The following SCMH1 variants were observed in gnomAD, a reference collection of about 807,000 sequenced individuals.
The protein encoded by SCMH1 is polycomb protein SCMH1.
A neutral mutation model predicts 70.8 loss-of-function variants in SCMH1; 37 were observed. The observed-to-expected ratio is 0.52, with a 90% CI of 0.40 to 0.69. The LOEUF (loss-of-function observed/expected upper bound fraction) is 0.69, where lower values mean the gene tolerates loss of function less well. Among genes scored for constraint, SCMH1 ranks in the 30% least tolerant of loss-of-function variants. The pLI, the probability that SCMH1 is intolerant of heterozygous loss-of-function variation, is 0.00. For missense variants in SCMH1, 607 were observed against 827.3 expected, an observed-to-expected ratio of 0.73 and a Z score of 3.27; for synonymous variants, 292 against 307.4, an observed-to-expected ratio of 0.95 and a Z score of 0.52.
At chr1:41,236,222 A>G (rs1368796224) in intron 1 of SCMH1, among the ~76,000 whole-genome samples, 1 of 152,238 alleles carries the variant, frequency 6.6e-6, no homozygotes, top group Non-Finnish European at 1.5e-5. Context: ...TTTTAAGAAG[A>G]TGAAGAAGTA....
Position 41,239,236 on chromosome 1 carries a change from G to C in SCMH1, c.-118+2823C>G, listed in dbSNP as rs1663006065. On this transcript the variant is annotated intron_variant, in intron 1 of 14. Coordinates refer to ENST00000337495, the Ensembl canonical transcript of SCMH1. ...ATCACTTATTGTTATATTCCTAGCA[G>C]TCCCAAACTGTTTGTGGTTCTCTAC... 2.0e-5 allele frequency among the ~76,000 whole-genome samples: 3 copies of C among 152,194 alleles called. No individual in the cohort carries two copies. The South Asian group carries it at 6.2e-4, about 32-fold the overall frequency.
At chr1:41,109,249 G>A (rs979808915) in intron 8 of SCMH1, among the ~76,000 whole-genome samples, 3 of 152,104 alleles carry the variant, frequency 2.0e-5, no homozygotes, top group African/African-American at 7.2e-5. Flanking sequence ...AGAGTTACCA[G>A]AAGATAAAAT....
At chr1:41,176,281 T>C (rs1318258229) in intron 2 of SCMH1, among the ~76,000 whole-genome samples, 1 of 150,286 alleles carries the variant, frequency 6.7e-6, no homozygotes, top group African/African-American at 2.5e-5. Flanking sequence ...GGCACCAAGA[T>C]GGCCGAATAG....
chr1:41,172,746 C>T (rs2148518810), intron 2 of SCMH1, among the ~76,000 whole-genome samples: 1 of 152,132 alleles, frequency 6.6e-6, no homozygotes, highest in Non-Finnish European at 1.5e-5. Flanking sequence ...ACATATATAC[C>T]AATGGAACCC....
chr1:41,037,652 G>T lies in SCMH1; in HGVS notation c.1499-111C>A, dbSNP rs979413063. 6 of 887,010 alleles carry T rather than the reference G, an allele frequency of 6.8e-6. No homozygotes were observed. In the African/African-American group the frequency reaches 8.4e-5, roughly 12 times the overall value. The allele number at this position is 887,010 out of a possible 1,614,324, so 54.9% of individuals were successfully genotyped here. ...CAACAACAGAGAAAGCCCTGGGCAGGGACTCAGGAGGCCTGTGTACCAGTC... is the reference window on the plus strand; with the variant it reads ...CAACAACAGAGAAAGCCCTGGGCAGTGACTCAGGAGGCCTGTGTACCAGTC... On this transcript the variant is annotated intron_variant, in intron 12 of 14. Coordinates refer to ENST00000337495, the Ensembl canonical transcript of SCMH1.
chr1:41,156,942 G>C (rs1225790368), intron 4 of SCMH1, among the ~76,000 whole-genome samples: 1 of 143,900 alleles, frequency 6.9e-6, no homozygotes, highest in Non-Finnish European at 1.5e-5. Flanking sequence ...GGGATTACAA[G>C]TATAAGCCAA....
rs187784376 is a variant in SCMH1 at position 41,167,864 on chromosome 1, T to C, written c.14-6432A>G. On this transcript the variant is annotated intron_variant, in intron 2 of 14. Coordinates refer to ENST00000337495, the Ensembl canonical transcript of SCMH1. ...AAAGTCTTGATCATCCCTTTGTTTT[T>C]TGAAAGACAGGATTGCTGGGTATAG... Among the ~76,000 whole-genome samples, 708 of 152,200 alleles carry C rather than the reference T, an allele frequency of 4.7e-3. 4 individuals are homozygous for C. Among genetic ancestry groups the C allele is most frequent in the Non-Finnish European group, 7.5e-3 (512 of 67,982 alleles).
intron 4 of SCMH1, among the ~76,000 whole-genome samples, chr1:41,155,484 A>G (rs1645439190): frequency 1.3e-5 from 2 of 150,378 alleles, no homozygotes; most frequent in Non-Finnish European, 3.0e-5. Context: ...ACAAACAAAC[A>G]ATATTTTGCT....
intron 1 of SCMH1, among the ~76,000 whole-genome samples, chr1:41,212,786 G>C (rs568251900): frequency 3.9e-5 from 6 of 152,156 alleles, no homozygotes; most frequent in East Asian, 3.9e-4. Context: ...TTTGCCACTA[G>C]GCACAAAATA....
In SCMH1 at chr1:41,113,580, C is replaced by A; in HGVS notation, c.502-54G>T. ...TAGACACAAAGAGAGGCCATTATGC[C>A]AATAGACTACTATCTAATTTGGATG... On this transcript the variant is annotated intron_variant, in intron 7 of 14. Coordinates refer to ENST00000337495, the Ensembl canonical transcript of SCMH1. This position sits in a 1 kb window ranked among gnomAD's most constrained non-coding sequence, Gnocchi z 4.3. 6.5e-7 allele frequency: 1 copy of A among 1,550,304 alleles called. No individual in the cohort carries two copies. Among genetic ancestry groups the A allele is most frequent in the South Asian group, 1.3e-5 (1 of 79,620 alleles).
At chr1:41,200,802 A>G (rs974695563) in intron 1 of SCMH1, among the ~76,000 whole-genome samples, 1 of 152,210 alleles carries the variant, frequency 6.6e-6, no homozygotes, top group Admixed American at 6.5e-5. Context: ...TGGAGTGAAG[A>G]TTTGAATGCA....
chr1:41,031,063 G>T (rs1427214927), intron 13 of SCMH1, among the ~76,000 whole-genome samples: 1 of 152,128 alleles, frequency 6.6e-6, no homozygotes, highest in East Asian at 1.9e-4. Context: ...AAGGCAGGAG[G>T]ATCGCTTGAG....
At chr1:41,241,308 C>A (rs532942368) in intron 1 of SCMH1, among the ~76,000 whole-genome samples, 10 of 152,264 alleles carry the variant, frequency 6.6e-5, no homozygotes, top group African/African-American at 2.2e-4. Context: ...ACTTTCGATG[C>A]TCTCGGGCTG....
intron 6 of SCMH1, among the ~76,000 whole-genome samples, chr1:41,123,448 G>T (rs1672431522): frequency 6.6e-6 from 1 of 152,160 alleles, no homozygotes; most frequent in African/African-American, 2.4e-5. Context: ...CCTCATTAAA[G>T]GCTAGCTTCT....
In SCMH1 at chr1:41,131,890, A is replaced by G. The variant is rs1013483097; in HGVS notation, c.412+10988T>C. Among the ~76,000 whole-genome samples the G allele has an allele frequency of 1.4e-4, 21 of 152,102 alleles. 1 individual carries two copies. The highest frequency in any genetic ancestry group is 7.9e-4 in the Admixed American group (12 of 15,268). ...CAAAGGACATGAACTCATCCTTTTT[A>G]TGGCTGCATAGTATTCCATGGTGTA... is the stretch of plus-strand genomic sequence containing the variant. On this transcript the variant is annotated intron_variant, in intron 6 of 14. Coordinates refer to ENST00000337495, the Ensembl canonical transcript of SCMH1.
chr1:41,046,779 C>A, intron 11 of SCMH1, 181 bp from the exon 12 acceptor site: 1 of 590,404 alleles, frequency 1.7e-6, no homozygotes. Context: ...ATTTTTGCCT[C>A]CAACTGTAAA....
intron 1 of SCMH1, among the ~76,000 whole-genome samples, chr1:41,223,752 C>T (rs1315661564): frequency 6.6e-6 from 1 of 152,070 alleles, no homozygotes; most frequent in Non-Finnish European, 1.5e-5. Flanking sequence ...CCTGCCTTGC[C>T]AACTTTCAAA....
chr1:41,200,134 G>A (rs1653961519), intron 1 of SCMH1, among the ~76,000 whole-genome samples: 1 of 152,070 alleles, frequency 6.6e-6, no homozygotes, highest in African/African-American at 2.4e-5. Flanking sequence ...CTTAAATCTA[G>A]GTGTTTTTTA....
At chr1:41,125,203 A>G (rs961771572) in intron 6 of SCMH1, among the ~76,000 whole-genome samples, 4 of 151,532 alleles carry the variant, frequency 2.6e-5, no homozygotes, top group African/African-American at 9.7e-5. Flanking sequence ...CAAAAAAGTA[A>G]TTTTCTCTCA....
Sources: gnomAD v4.1 joint callset for allele counts (sites outside exome capture counted in the v4.1 genomes callset) on GRCh38, gnomAD v4.1.1 for gene constraint, Gnocchi (gnomAD v3.1) non-coding constraint, MANE v1.5 for transcripts, NCBI Gene and HGNC (gene_info 2026-07-23, HGNC 2026-07-21) for gene names.